RARB: variants seen among roughly 807,000 people sequenced by gnomAD.
RARB encodes the protein retinoic acid receptor beta, also known as HBV-activated protein.
Under a neutral mutation model 51.9 loss-of-function variants are expected in RARB, and 17 were observed. The observed-to-expected ratio is 0.33, with a 90% CI of 0.22 to 0.49. RARB has a LOEUF of 0.49. Ranked by LOEUF, RARB falls within the 20% of genes least tolerant of loss-of-function variation. The probability of loss-of-function intolerance (pLI) is 0.99; values close to 1 mark genes in which losing one functional copy is unlikely to be tolerated. For missense variants in RARB, 369 were observed against 550.8 expected (o/e 0.67, Z 3.30); for synonymous variants, 215 against 195.4 (o/e 1.10, Z -0.84).
intron 3 of RARB, among the ~76,000 whole-genome samples, chr3:25,515,168 G>A (rs115401692): frequency 6.8e-4 from 103 of 152,294 alleles, no homozygotes; most frequent in Admixed American, 9.8e-4. Flanking sequence ...TTTACAAATA[G>A]TGCCTTCTGT....
chr3:24,960,323 G>A (rs1696110769), intron 2 of RARB, among the ~76,000 whole-genome samples: 1 of 152,060 alleles, frequency 6.6e-6, no homozygotes, highest in Non-Finnish European at 1.5e-5. Context: ...CTTAAAGTAA[G>A]TTATGCAGCA....
intron 2 of RARB, among the ~76,000 whole-genome samples, chr3:25,008,227 C>T (rs1268377693): frequency 6.6e-6 from 1 of 152,074 alleles, no homozygotes; most frequent in East Asian, 1.9e-4. Flanking sequence ...TTTGGCAGGG[C>T]TTGTACATTT....
chr3:25,173,189 T>G (rs527583026), intron 4 of RARB, among the ~76,000 whole-genome samples: 1 of 152,338 alleles, frequency 6.6e-6, no homozygotes, highest in East Asian at 1.9e-4. Flanking sequence ...ATTCCCAGTC[T>G]CAAGGAATCC....
chr3:24,899,924 CT>C (rs5847324), intron 2 of RARB, among the ~76,000 whole-genome samples: 1 of 150,902 alleles, frequency 6.6e-6, no homozygotes, highest in East Asian at 1.9e-4. Flanking sequence ...ATTGGGATTT[CT>C]TTTTTTTTGC....
At chr3:25,126,289 TGTG>T (rs1456025150) in intron 3 of RARB, among the ~76,000 whole-genome samples, 3 of 152,170 alleles carry the variant, frequency 2.0e-5, no homozygotes, top group Non-Finnish European at 4.4e-5. Context: ...TAACCAGATT[TGTG>T]CAGATTTCCA....
intron 2 of RARB, among the ~76,000 whole-genome samples, chr3:25,056,356 A>G (rs931791456): frequency 1.3e-5 from 2 of 152,290 alleles, no homozygotes; most frequent in East Asian, 1.9e-4. Flanking sequence ...ATAAAATTCA[A>G]TCTTGAAGAA....
rs930211402 is a variant in RARB, at chr3:25,597,822, G to A, written c.*1206G>A. ...GCAAGTCTGTGATGTACTTTCACTG[G>A]CTCTGTTTGTACATTGAGATTGTTT... is the stretch of plus-strand genomic sequence containing the variant. On this transcript the variant is annotated 3_prime_UTR_variant, in exon 8 of 8. Coordinates refer to ENST00000330688, the MANE Select transcript of RARB (RefSeq NM_000965.5). 2 of 152,266 alleles carry A rather than the reference G, an allele frequency of 1.3e-5. No homozygotes were observed. Among genetic ancestry groups the A allele is most frequent in the South Asian group, 4.2e-4 (2 of 4,806 alleles). 9.4% of individuals were successfully genotyped at this position (152,266 alleles called of 1,614,324 possible). A position where few individuals can be genotyped will look rare whatever the true frequency, so the allele number is the denominator to read the frequency against.
At chr3:25,342,602 A>G (rs1179153925) in intron 5 of RARB, among the ~76,000 whole-genome samples, 1 of 152,210 alleles carries the variant, frequency 6.6e-6, no homozygotes, top group Non-Finnish European at 1.5e-5. Flanking sequence ...GTTGGACCCA[A>G]TATCAGCAAA....
At chr3:25,456,782 C>T (rs1419101084) in intron 1 of RARB, among the ~76,000 whole-genome samples, 6 of 148,916 alleles carry the variant, frequency 4.0e-5, no homozygotes, top group African/African-American at 7.4e-5. Flanking sequence ...TTTTGGGGAT[C>T]GTACATAACG....
chr3:25,340,350 A>G (rs1259314970), intron 5 of RARB, among the ~76,000 whole-genome samples: 2 of 152,142 alleles, frequency 1.3e-5, no homozygotes, highest in Non-Finnish European at 2.9e-5. Context: ...TCAATTTCCC[A>G]TTTATGTGAG....
At chr3:25,441,658 T>C (rs1271232765) in intron 1 of RARB, among the ~76,000 whole-genome samples, 3 of 152,190 alleles carry the variant, frequency 2.0e-5, no homozygotes, top group African/African-American at 7.2e-5. Context: ...ATGAATTTTT[T>C]TTAATGCAGA....
chr3:25,358,024 G>C lies in RARB; in HGVS notation c.179-103169G>C, dbSNP rs370826272. On this transcript the variant is annotated intron_variant, in intron 5 of 11. Coordinates refer to the RARB transcript ENST00000383772. ...TTGGTTCCAAATGAAATTTAAAGTA[G>C]TTTTTTCTAATTATGTGAAGAAAGT... 3.9e-5 allele frequency among the ~76,000 whole-genome samples: 6 copies of C among 152,252 alleles called. No individual in the cohort carries two copies. In the East Asian group the frequency reaches 9.6e-4, roughly 24 times the overall value.
intron 3 of RARB, among the ~76,000 whole-genome samples, chr3:25,083,613 C>T (rs972713538): frequency 5.3e-5 from 8 of 151,948 alleles, no homozygotes; most frequent in South Asian, 2.1e-4. Context: ...CTAATTCTAA[C>T]GTTTCTGTCA....
chr3:25,208,035 T>C (rs150064821), intron 5 of RARB, among the ~76,000 whole-genome samples: 4 of 147,910 alleles, frequency 2.7e-5, no homozygotes, highest in African/African-American at 4.9e-5. Flanking sequence ...GGGGAGCAAA[T>C]TGGGGGAATG....
chr3:24,956,451 A>G (rs972675459), intron 2 of RARB, among the ~76,000 whole-genome samples: 4 of 152,162 alleles, frequency 2.6e-5, no homozygotes, highest in Admixed American at 1.3e-4. Flanking sequence ...TCATGTATCA[A>G]TGGTCTGGAG....
chr3:25,183,497 T>G (rs1700909284), intron 5 of RARB, among the ~76,000 whole-genome samples: 1 of 152,164 alleles, frequency 6.6e-6, no homozygotes, highest in Non-Finnish European at 1.5e-5. Flanking sequence ...CTCAAAACCC[T>G]GCAGGATTAC....
chr3:25,480,284 G>A (rs1696162192), intron 2 of RARB, among the ~76,000 whole-genome samples: 3 of 152,192 alleles, frequency 2.0e-5, no homozygotes, highest in Admixed American at 6.5e-5. Flanking sequence ...CCAAGAGCAC[G>A]TATCTAGAAT....
At chr3:25,116,564 A>G (rs1233440804) in intron 3 of RARB, among the ~76,000 whole-genome samples, 1 of 152,090 alleles carries the variant, frequency 6.6e-6, no homozygotes, top group East Asian at 1.9e-4. Context: ...ATGTGTGCAG[A>G]AAATGTAATG....
chr3:25,595,533 TC>T (rs1701787248), intron 7 of RARB, among the ~76,000 whole-genome samples: 1 of 152,216 alleles, frequency 6.6e-6, no homozygotes, highest in South Asian at 2.1e-4. Context: ...GAATACGGTA[TC>T]TTTGATTTTT....
Sources: allele counts gnomAD v4.1 joint callset (sites outside exome capture counted in the v4.1 genomes callset), GRCh38; gene constraint gnomAD v4.1.1; transcripts MANE v1.5; gene names NCBI Gene and HGNC (gene_info 2026-07-23, HGNC 2026-07-21).